Variants in ABCC1 observed in about 807,000 individuals in gnomAD.
ABCC1 encodes the protein multidrug resistance-associated protein 1.
In ABCC1, 83 loss-of-function variants were observed where a neutral mutation model predicts 172.9. The ratio of observed to expected loss-of-function variants is 0.48; its 90% CI spans 0.40 to 0.58. The LOEUF (loss-of-function observed/expected upper bound fraction) is 0.58. ABCC1 is among the 20% of genes least tolerant of loss of function. The pLI, the probability that ABCC1 is intolerant of heterozygous loss-of-function variation, is 0.00. For missense variants in ABCC1, 1,817 were observed against 2,002.7 expected (o/e 0.91, Z 1.77); for synonymous variants, 937 against 825.2 (o/e 1.14, Z -2.32).
intron 23 of ABCC1, among the ~76,000 whole-genome samples, chr16:16,118,728 T>A (rs1043960187): frequency 6.6e-6 from 1 of 151,550 alleles, no homozygotes; most frequent in African/African-American, 2.4e-5. Context: ...CGAGATGAAA[T>A]GCATAATGTG....
intron 6 of ABCC1, among the ~76,000 whole-genome samples, chr16:16,034,614 G>T (rs2048685191): frequency 7.7e-6 from 1 of 130,044 alleles, no homozygotes. Context: ...TTGAGATGGA[G>T]TCTTGCTCTG....
intron 24 of ABCC1, among the ~76,000 whole-genome samples, chr16:16,123,619 C>G (rs2045266691): frequency 6.6e-6 from 1 of 151,952 alleles, no homozygotes; most frequent in African/African-American, 2.4e-5. Context: ...GAGAGCGAAA[C>G]TCTATCTGAA....
chr16:16,118,681 G>C (rs2045013438), intron 23 of ABCC1, among the ~76,000 whole-genome samples: 1 of 151,798 alleles, frequency 6.6e-6, no homozygotes, highest in African/African-American at 2.4e-5. Context: ...AATGATTTTA[G>C]CAAAGGACCA....
At chr16:16,124,159 C>T in intron 24 of ABCC1, among the ~76,000 whole-genome samples, 1 of 152,176 alleles carries the variant, frequency 6.6e-6, no homozygotes, top group East Asian at 1.9e-4. Flanking sequence ...ACTCCCCTCC[C>T]AGATCTGTCT....
chr16:16,098,960 C>T (rs567710872), intron 19 of ABCC1: 93 of 1,317,516 alleles, frequency 7.1e-5, no homozygotes, highest in Non-Finnish European at 7.5e-5. Flanking sequence ...AGAGACGGGC[C>T]GAGACTGTCG....
intron 1 of ABCC1, among the ~76,000 whole-genome samples, chr16:15,984,387 A>C (rs2046696989): frequency 6.6e-6 from 1 of 152,186 alleles, no homozygotes; most frequent in African/African-American, 2.4e-5. Flanking sequence ...GATAAATGAG[A>C]AACTAAAAGA....
chr16:15,960,977 G>C (rs2046114739), intron 1 of ABCC1, among the ~76,000 whole-genome samples: 1 of 143,168 alleles, frequency 7.0e-6, no homozygotes, highest in South Asian at 2.3e-4. Context: ...CTTCTGATCT[G>C]TTTATGTTTG....
In ABCC1 at chr16:16,104,017, G is replaced by A. The variant is rs377488549; in HGVS notation, c.2735+1300G>A. ...GTGAAGCTGCAGACCTTCGCGGTAAGTGTTACAGCTCTTAAGGTGGCGTGT... is the reference window on the plus strand; with the variant it reads ...GTGAAGCTGCAGACCTTCGCGGTAAATGTTACAGCTCTTAAGGTGGCGTGT... On this transcript the variant is annotated intron_variant, in intron 20 of 30. Transcript: ENST00000399410. Among the ~76,000 whole-genome samples the A allele has an allele frequency of 2.0e-4, 31 of 152,282 alleles. No homozygotes were observed. In the East Asian group the frequency reaches 4.2e-3, roughly 21 times the overall value.
chr16:16,074,699 T>C (rs373483796), intron 14 of ABCC1, among the ~76,000 whole-genome samples: 15 of 152,284 alleles, frequency 9.9e-5, no homozygotes, highest in African/African-American at 2.9e-4. Context: ...TCCAGTGGCT[T>C]TTCTTAAATT....
intron 7 of ABCC1, among the ~76,000 whole-genome samples, chr16:16,042,291 G>A (rs1008744040): frequency 1.3e-5 from 2 of 151,464 alleles, no homozygotes; most frequent in African/African-American, 2.4e-5. Context: ...GTACAGGAAT[G>A]TTCTTAGCTA....
At chr16:16,120,647 T>C (rs1225900282) in intron 23 of ABCC1, among the ~76,000 whole-genome samples, 4 of 152,036 alleles carry the variant, frequency 2.6e-5, no homozygotes, top group Non-Finnish European at 5.9e-5. Flanking sequence ...ACATCTGTGC[T>C]CCCATCTGCT....
chr16:16,119,447 T>C (rs2045054229), intron 23 of ABCC1, among the ~76,000 whole-genome samples: 2 of 151,328 alleles, frequency 1.3e-5, no homozygotes, highest in East Asian at 1.9e-4. Context: ...GAAAAAAACA[T>C]CAGATCGGCA....
At chr16:16,132,385 G>A (rs1401468398) in intron 27 of ABCC1, among the ~76,000 whole-genome samples, 1 of 151,322 alleles carries the variant, frequency 6.6e-6, no homozygotes, top group East Asian at 2.0e-4. Context: ...TGTTGTCCAG[G>A]CTGATCTGGA....
At chr16:16,082,454 A>G (rs766497218) in intron 16 of ABCC1, among the ~76,000 whole-genome samples, 1 of 152,224 alleles carries the variant, frequency 6.6e-6, no homozygotes, top group Non-Finnish European at 1.5e-5. Context: ...TAACTACCTC[A>G]GCATTTTCAT....
intron 1 of ABCC1, among the ~76,000 whole-genome samples, chr16:15,950,770 T>C (rs555361137): frequency 2.0e-5 from 3 of 152,244 alleles, no homozygotes; most frequent in Non-Finnish European, 4.4e-5. Flanking sequence ...TCTCCTCTTT[T>C]GTTTAGGAAT....
At chr16:16,016,950 T>A (rs1210918592) in intron 5 of ABCC1, among the ~76,000 whole-genome samples, 1 of 147,342 alleles carries the variant, frequency 6.8e-6, no homozygotes, top group Non-Finnish European at 1.5e-5. Flanking sequence ...GTCCAGATGT[T>A]CTGGAAAAGT....
intron 7 of ABCC1, among the ~76,000 whole-genome samples, chr16:16,042,833 G>A (rs2049029430): frequency 1.3e-5 from 2 of 152,124 alleles, no homozygotes; most frequent in Admixed American, 6.6e-5. Flanking sequence ...TGTTCACAGA[G>A]TTGTGCAGTC....
chr16:16,104,942 C>T (rs1392697919), intron 20 of ABCC1, among the ~76,000 whole-genome samples: 1 of 152,202 alleles, frequency 6.6e-6, no homozygotes, highest in Non-Finnish European at 1.5e-5. Flanking sequence ...ACCGAGCCGA[C>T]GCCCACCCAG....
chr16:16,000,213 T>G (rs912232034), intron 1 of ABCC1, among the ~76,000 whole-genome samples: 62 of 151,718 alleles, frequency 4.1e-4, no homozygotes, highest in African/African-American at 1.4e-3. Flanking sequence ...ATGGTGTGAT[T>G]ATGTCTCACT....
Sources: allele counts gnomAD v4.1 joint callset (sites outside exome capture counted in the v4.1 genomes callset), GRCh38; gene constraint gnomAD v4.1.1; transcripts MANE v1.5; gene names NCBI Gene and HGNC (gene_info 2026-07-23, HGNC 2026-07-21).